The following MN1 variants were observed in gnomAD, a reference collection of about 807,000 sequenced individuals.
MN1 encodes the protein MN1 proto-oncogene, transcriptional regulator, also known as transcriptional activator MN1.
Under a neutral mutation model 86.9 loss-of-function variants are expected in MN1, and 19 were observed. The observed-to-expected ratio is 0.22, with a 90% CI of 0.15 to 0.32. MN1 has a LOEUF of 0.32. MN1 is among the 10% of genes least tolerant of loss of function. MN1 has a pLI of 1.00. For synonymous variants in MN1, 928 were observed against 849.6 expected (o/e 1.09, Z -1.60); for missense variants, 1,841 against 1,862.0 (o/e 0.99, Z 0.21).
At chr22:27,764,623 A>G (rs927653427) in intron 1 of MN1, among the ~76,000 whole-genome samples, 1 of 152,204 alleles carries the variant, frequency 6.6e-6, no homozygotes, top group Non-Finnish European at 1.5e-5. Flanking sequence ...TCCAACAGTG[A>G]GCAGAAGGGC....
rs558587220 is a variant in MN1, at chr22:27,791,077, G to A, written c.3781+5686C>T. Among the ~76,000 whole-genome samples, 13 of 152,156 alleles carry A rather than the reference G, an allele frequency of 8.5e-5. No homozygotes were observed. In the East Asian group the frequency reaches 2.1e-3, roughly 25 times the overall value. ...CTCCAGATTGGATGGAAATACACTC[G>A]GCCATGCATATGTATATATGCGGAT... On this transcript the variant is annotated intron_variant, in intron 1 of 1. Transcript: ENST00000302326.
At chr22:27,777,597 G>A (rs1932995960) in intron 1 of MN1, among the ~76,000 whole-genome samples, 1 of 151,564 alleles carries the variant, frequency 6.6e-6, no homozygotes, top group Non-Finnish European at 1.5e-5. Context: ...TGTGGCTCAT[G>A]CCTGTAATCC....
Position 27,797,987 on chromosome 22 carries a change from G to T in MN1, c.2557C>A (p.Pro853Thr). ...CTCAGTTTCCTCTTGCCCTCTGGCGGGTTCTTCTTGTTGAAGGTCACGTTG... is the reference window on the plus strand; with the variant it reads ...CTCAGTTTCCTCTTGCCCTCTGGCGTGTTCTTCTTGTTGAAGGTCACGTTG... ...NLNVTFNKKN[P>T]PEGKRKLSQN... The change falls in exon 1 of 2, where the codon CCG (proline) becomes ACG (threonine). Residue 853 changes from proline to threonine, a missense_variant. By Grantham distance (38) the Pro-to-Thr change is conservative. Coordinates refer to ENST00000302326, the MANE Select transcript of MN1 (RefSeq NM_002430.3). 6.3e-7 allele frequency: 1 copy of T among 1,594,602 alleles called. No homozygotes were observed.
rs45463593 is a variant in MN1 at position 27,773,072 on chromosome 22, C to G, written c.3782-21976G>C. ...AGCACAAACAAGGCCCCGAACAGGC[C>G]GGGAAGCCCAGGCCGCCCCTCCCCA... On this transcript the variant is annotated intron_variant, in intron 1 of 1. Transcript: ENST00000302326. Among the ~76,000 whole-genome samples the G allele has an allele frequency of 8.1e-3, 1,234 of 151,914 alleles. 16 individuals carry two copies. The highest frequency in any genetic ancestry group is 0.028 in the African/African-American group (1,176 of 41,420).
intron 1 of MN1, among the ~76,000 whole-genome samples, chr22:27,759,893 C>G (rs1932823439): frequency 1.3e-5 from 2 of 152,238 alleles, no homozygotes; most frequent in Non-Finnish European, 2.9e-5. Flanking sequence ...ACCCTCCCCC[C>G]AAATCCCTTC....
chr22:27,758,467 T>C (rs543635372), intron 1 of MN1, among the ~76,000 whole-genome samples: 17 of 152,222 alleles, frequency 1.1e-4, no homozygotes, highest in Admixed American at 2.0e-4. Context: ...ATGATACCGC[T>C]AGCTGCAGGC....
intron 1 of MN1, among the ~76,000 whole-genome samples, chr22:27,792,926 T>C (rs1172616345): frequency 6.6e-6 from 1 of 152,004 alleles, no homozygotes; most frequent in Non-Finnish European, 1.5e-5. Flanking sequence ...TCTAAAGAAA[T>C]TCCATGTTCA....
At position 27,801,742 on chromosome 22, in the gene MN1, G is replaced by A. The variant is rs1482300046; in HGVS notation, c.-1199C>T. On this transcript the variant is annotated 5_prime_UTR_variant, in exon 1 of 2. Transcript: ENST00000302326. ...CTGTGTCTGCCTCTCGCCCAGCGCC[G>A]GGAGAAGCAGCAACAAGTTTTGCAT... Among the ~76,000 whole-genome samples the A allele has an allele frequency of 6.6e-6, 1 of 152,234 alleles. No homozygotes were observed. Among genetic ancestry groups the A allele is most frequent in the East Asian group, 1.9e-4 (1 of 5,184 alleles).
In MN1 at chr22:27,801,690, G is replaced by C. The variant is rs1375018015; in HGVS notation, c.-1147C>G. ...GACTAGCGGGGGGGCTCTGCGTGGGGCGTTCCGAGGGTCTCGGCTCCCCTC... is the reference window on the plus strand; with the variant it reads ...GACTAGCGGGGGGGCTCTGCGTGGGCCGTTCCGAGGGTCTCGGCTCCCCTC... On this transcript the variant is annotated 5_prime_UTR_variant, in exon 1 of 2. Coordinates refer to ENST00000302326, the MANE Select transcript of MN1 (RefSeq NM_002430.3). 6.6e-6 allele frequency among the ~76,000 whole-genome samples: 1 copy of C among 152,206 alleles called. No individual in the cohort carries two copies. Among genetic ancestry groups the C allele is most frequent in the African/African-American group, 2.4e-5 (1 of 41,474 alleles).
chr22:27,754,346 T>C (rs1932788750), intron 1 of MN1, among the ~76,000 whole-genome samples: 1 of 152,152 alleles, frequency 6.6e-6, no homozygotes, highest in Non-Finnish European at 1.5e-5. Flanking sequence ...AACACTTCTG[T>C]GTATTATCTA....
chr22:27,796,656 T>C (rs1268673004), intron 1 of MN1, 107 bp downstream of exon 1: 1 of 1,166,576 alleles, frequency 8.6e-7, no homozygotes. Context: ...ATTAGGAGGG[T>C]TTGTGCCCTC....
At chr22:27,796,371 G>A (rs1404707394) in intron 1 of MN1, among the ~76,000 whole-genome samples, 1 of 151,768 alleles carries the variant, frequency 6.6e-6, no homozygotes, top group Non-Finnish European at 1.5e-5. Context: ...GCGGCACACA[G>A]CTGCTAAAAA....
At position 27,749,763 on chromosome 22, in the gene MN1, C is replaced by A. The variant is rs1932744322; in HGVS notation, c.*1152G>T. On this transcript the variant is annotated 3_prime_UTR_variant, in exon 2 of 2. Coordinates refer to ENST00000302326, the MANE Select transcript of MN1 (RefSeq NM_002430.3). ...GAGTCTGCAGATCCCTGCAAAGGCT[C>A]AGAGAAGGCTGAGCAGGCTGAGCAA... 4.3e-6 allele frequency: 1 copy of A among 231,604 alleles called. No homozygotes were observed. Among genetic ancestry groups the A allele is most frequent in the Admixed American group, 5.6e-5 (1 of 17,714 alleles). The allele number at this position is 231,604 out of a possible 1,614,324, so 14.3% of individuals were successfully genotyped here. A position where few individuals can be genotyped will look rare whatever the true frequency, so the allele number is the denominator to read the frequency against.
chr22:27,769,466 A>G (rs1461602839), intron 1 of MN1, among the ~76,000 whole-genome samples: 1 of 152,034 alleles, frequency 6.6e-6, no homozygotes, highest in East Asian at 1.9e-4. Context: ...GAAATTCGCA[A>G]TCCTCAGAAA....
chr22:27,755,723 C>A (rs1000148363), intron 1 of MN1, among the ~76,000 whole-genome samples: 1 of 152,164 alleles, frequency 6.6e-6, no homozygotes, highest in South Asian at 2.1e-4. Flanking sequence ...CACCCCGCTG[C>A]GATCACGAGA....
chr22:27,750,994 C>T lies in MN1; in HGVS notation c.3884G>A (p.Arg1295Gln), dbSNP rs764921542. ...CTDDVGDAKA[R>Q]ASVPTWRSLH... ...GGACCGCCAGGTGGGCACGGAGGCTCGAGCCTTGGCGTCACCCACGTCGTC... is the reference window on the plus strand; with the variant it reads ...GGACCGCCAGGTGGGCACGGAGGCTTGAGCCTTGGCGTCACCCACGTCGTC... Residue 1295 changes from arginine to glutamine, a missense_variant, in exon 2 of 2, where the codon CGA becomes CAA. Arg to Gln is a conservative substitution (Grantham distance 43). Coordinates refer to ENST00000302326, the MANE Select transcript of MN1 (RefSeq NM_002430.3). The T allele has an allele frequency of 2.5e-6, 4 of 1,612,822 alleles. No individual in the cohort carries two copies. Among genetic ancestry groups the T allele is most frequent in the Non-Finnish European group, 3.4e-6 (4 of 1,179,368 alleles).
intron 1 of MN1, among the ~76,000 whole-genome samples, chr22:27,768,899 T>C (rs1402905260): frequency 2.0e-5 from 3 of 152,194 alleles, no homozygotes; most frequent in African/African-American, 4.8e-5. Context: ...CAGTGGATAC[T>C]GTACAGGACA....
Position 27,797,556 on chromosome 22 carries a change from C to T in MN1, c.2988G>A (p.Gly996=). Residue 996 remains glycine (G), a synonymous_variant, in exon 1 of 2, where the codon GGG becomes GGA. Coordinates refer to ENST00000302326, the MANE Select transcript of MN1 (RefSeq NM_002430.3). ...VGGSSAGETR[G]APTPHEKALT... ...GCGCCTTTTCGTGGGGCGTCGGTGCCCCGCGCGTCTCGCCTGCGGAGCTTC... is the reference window on the plus strand; with the variant it reads ...GCGCCTTTTCGTGGGGCGTCGGTGCTCCGCGCGTCTCGCCTGCGGAGCTTC... The T allele has an allele frequency of 1.9e-6, 3 of 1,607,530 alleles. No individual in the cohort carries two copies. The highest frequency in any genetic ancestry group is 2.5e-6 in the Non-Finnish European group (3 of 1,177,886).
chr22:27,763,760 T>TTCCAACACAGGTC, intron 1 of MN1, among the ~76,000 whole-genome samples: 2 of 152,012 alleles, frequency 1.3e-5, no homozygotes, highest in Non-Finnish European at 2.9e-5. Flanking sequence ...CAACACAGGT[T>TTCCAACACAGGTC]CCACCACCTT....
Sources: allele counts gnomAD v4.1 joint callset (sites outside exome capture counted in the v4.1 genomes callset), GRCh38; gene constraint gnomAD v4.1.1; transcripts MANE v1.5; gene names NCBI Gene and HGNC (gene_info 2026-07-23, HGNC 2026-07-21).